Variants in DLG5 observed in about 807,000 individuals in gnomAD.
The protein encoded by DLG5 is disks large homolog 5.
A neutral mutation model predicts 189.8 loss-of-function variants in DLG5; 48 were observed. That is an observed-to-expected ratio of 0.25 (90% CI 0.20 to 0.32). DLG5 has a LOEUF of 0.32. Among genes scored for constraint, DLG5 ranks in the 10% least tolerant of loss-of-function variants. DLG5 has a pLI of 1.00. For missense variants in DLG5, 2,160 were observed against 2,544.7 expected (o/e 0.85, Z 3.25); for synonymous variants, 1,016 against 1,054.1 (o/e 0.96, Z 0.70).
chr10:77,910,622 G>C (rs1327279822), intron 1 of DLG5, among the ~76,000 whole-genome samples: 1 of 152,130 alleles, frequency 6.6e-6, no homozygotes, highest in Non-Finnish European at 1.5e-5. Context: ...AAGGAGTTTG[G>C]GCAAAGTGGT....
chr10:77,910,239 G>A (rs1846180250), intron 1 of DLG5, among the ~76,000 whole-genome samples: 1 of 152,176 alleles, frequency 6.6e-6, no homozygotes, highest in South Asian at 2.1e-4. Flanking sequence ...GCAGTACCGA[G>A]TAAAGGTAGT....
At chr10:77,930,403 A>G (rs1378812771), upstream of DLG5, among the ~76,000 whole-genome samples, 1 of 151,880 alleles carries the variant, frequency 6.6e-6, no homozygotes, top group African/African-American at 2.4e-5. Flanking sequence ...GCTGGAGTGC[A>G]GTGGCGTGAT....
In DLG5 at chr10:77,908,251, A is replaced by G. The variant is rs572963498; in HGVS notation, c.304+17966T>C. ...GTAACTCTCAGAGTTGAAACTGGGG[A>G]GAACGCTGGCTTTCCAATCCTCCTA... On this transcript the variant is annotated intron_variant, in intron 1 of 31. Transcript: ENST00000372391. Among the ~76,000 whole-genome samples, 36 of 152,312 alleles carry G rather than the reference A, an allele frequency of 2.4e-4. 1 individual carries two copies. The highest frequency in any genetic ancestry group is 1.0e-3 in the South Asian group (5 of 4,828).
intron 1 of DLG5, among the ~76,000 whole-genome samples, chr10:77,895,884 G>A (rs558289547): frequency 6.6e-6 from 1 of 152,226 alleles, no homozygotes; most frequent in African/African-American, 2.4e-5. Context: ...AGTGTTACAG[G>A]TTATTTGACA....
chr10:77,875,648 C>G (rs964478401), intron 1 of DLG5, among the ~76,000 whole-genome samples: 5 of 152,232 alleles, frequency 3.3e-5, no homozygotes, highest in Admixed American at 1.3e-4. Context: ...AAGGAGGTGA[C>G]CGTGAAAGTT....
chr10:77,838,203 C>T (rs147619347), intron 7 of DLG5, among the ~76,000 whole-genome samples: 47 of 152,292 alleles, frequency 3.1e-4, no homozygotes, highest in African/African-American at 1.1e-3. Flanking sequence ...GGGCAGCAGA[C>T]GGCAGGAGCA....
chr10:77,852,459 A>G (rs1844026597), intron 5 of DLG5, among the ~76,000 whole-genome samples: 2 of 152,108 alleles, frequency 1.3e-5, no homozygotes, highest in African/African-American at 4.8e-5. Context: ...TCTGTCACCC[A>G]GGCTGGAGTG....
chr10:77,826,586 G>A (rs1255372320), intron 13 of DLG5, among the ~76,000 whole-genome samples: 2 of 151,908 alleles, frequency 1.3e-5, no homozygotes, highest in East Asian at 1.9e-4. Flanking sequence ...CCAAGATCAC[G>A]CCACTGCACT....
intron 30 of DLG5, 119 bp downstream of exon 30, chr10:77,794,730 A>C: frequency 1.4e-6 from 1 of 707,894 alleles, no homozygotes; most frequent in Non-Finnish European, 2.4e-6. Context: ...CTATTTCAAG[A>C]CCCATAGGCC....
At chr10:77,839,284 T>A (rs1365366690) in intron 7 of DLG5, among the ~76,000 whole-genome samples, 1 of 152,188 alleles carries the variant, frequency 6.6e-6, no homozygotes, top group Non-Finnish European at 1.5e-5. Context: ...GTGGATCACC[T>A]GAGGTCAGGA....
At chr10:77,877,587 G>A (rs1845140182) in intron 1 of DLG5, among the ~76,000 whole-genome samples, 1 of 152,154 alleles carries the variant, frequency 6.6e-6, no homozygotes, top group South Asian at 2.1e-4. Flanking sequence ...AAGGCAGTGG[G>A]AGGACCTAAG....
chr10:77,874,390 C>T (rs1845019962), intron 1 of DLG5, among the ~76,000 whole-genome samples: 1 of 152,154 alleles, frequency 6.6e-6, no homozygotes, highest in East Asian at 1.9e-4. Context: ...TGAGGATAAA[C>T]TGATTTAATG....
At chr10:77,936,280 A>C in the DLG5 span, among the ~76,000 whole-genome samples, 1 of 152,084 alleles carries the variant, frequency 6.6e-6, no homozygotes, top group Non-Finnish European at 1.5e-5. Flanking sequence ...TCTACTAAAA[A>C]TACGAAAGTT....
intron 1 of DLG5, among the ~76,000 whole-genome samples, chr10:77,914,635 C>A (rs959355297): frequency 2.6e-5 from 4 of 152,094 alleles, no homozygotes; most frequent in Non-Finnish European, 4.4e-5. Flanking sequence ...ACCAAGAATG[C>A]CCCCTGGGTC....
chr10:77,811,863 A>G (rs985416038), intron 22 of DLG5, 61 bp downstream of exon 22: 25 of 1,525,374 alleles, frequency 1.6e-5, no homozygotes, highest in Non-Finnish European at 2.1e-5. Context: ...AAATGAGCAG[A>G]GTGCTGCTGC....
intron 14 of DLG5, among the ~76,000 whole-genome samples, chr10:77,823,731 T>C (rs535634022): frequency 3.3e-5 from 5 of 152,300 alleles, no homozygotes; most frequent in African/African-American, 1.2e-4. Context: ...GGTTTCTCCA[T>C]GTTGGTCAAG....
chr10:77,924,428 G>A lies in DLG5; in HGVS notation c.304+1789C>T, dbSNP rs72806014. Among the ~76,000 whole-genome samples, 516 of 152,232 alleles carry A rather than the reference G, an allele frequency of 3.4e-3. 1 individual carries two copies. The highest frequency in any genetic ancestry group is 0.02 in the Middle Eastern group (6 of 294). On this transcript the variant is annotated intron_variant, in intron 1 of 31. Coordinates refer to ENST00000372391, the MANE Select transcript of DLG5 (RefSeq NM_004747.4). ...GGGTGAGACCTAATTAATGGCAATT[G>A]ATCCATCAATCAATTTTCAGAGATT...
At chr10:77,808,650 G>C (rs1841596617) in intron 24 of DLG5, among the ~76,000 whole-genome samples, 2 of 152,126 alleles carry the variant, frequency 1.3e-5, no homozygotes, top group South Asian at 4.1e-4. Flanking sequence ...CATCAGAACA[G>C]AGTCCTGCAG....
At chr10:77,921,372 C>A (rs56088422) in intron 1 of DLG5, among the ~76,000 whole-genome samples, 11,901 of 152,230 alleles carry the variant, frequency 0.078, 630 homozygotes, top group Non-Finnish European at 0.12. Flanking sequence ...TAATAAATAA[C>A]CCACACCTGA....
Sources: gnomAD v4.1 joint callset for allele counts (sites outside exome capture counted in the v4.1 genomes callset) on GRCh38, gnomAD v4.1.1 for gene constraint, MANE v1.5 for transcripts, NCBI Gene and HGNC (gene_info 2026-07-23, HGNC 2026-07-21) for gene names.